TRPM6: variants seen among roughly 807,000 people sequenced by gnomAD.
The protein encoded by TRPM6 is channel kinase 2.
In TRPM6, 111 loss-of-function variants were observed where a neutral mutation model predicts 247.6. The observed-to-expected ratio is 0.45, with a 90% CI of 0.38 to 0.52. The LOEUF is 0.52. Ranked by LOEUF, TRPM6 falls within the 20% of genes least tolerant of loss-of-function variation. The probability of loss-of-function intolerance (pLI) is 0.00; values close to 1 mark genes in which losing one functional copy is unlikely to be tolerated. For missense variants in TRPM6, 2,126 were observed against 2,421.5 expected (o/e 0.88, Z 2.56); for synonymous variants, 892 against 853.8 (o/e 1.04, Z -0.78).
At chr9:74,841,627 C>A (rs1380477494) in intron 4 of TRPM6, among the ~76,000 whole-genome samples, 3 of 152,048 alleles carry the variant, frequency 2.0e-5, no homozygotes, top group African/African-American at 4.8e-5. Context: ...GCCTCAGCCT[C>A]CCAAGTAGCT....
At chr9:74,738,089 C>G (rs1011847600) in intron 36 of TRPM6, among the ~76,000 whole-genome samples, 3 of 152,084 alleles carry the variant, frequency 2.0e-5, no homozygotes, top group African/African-American at 7.2e-5. Flanking sequence ...AAATGCATGC[C>G]TAAATATTAA....
intron 23 of TRPM6, among the ~76,000 whole-genome samples, chr9:74,779,913 C>G (rs975447136): frequency 2.6e-5 from 4 of 152,220 alleles, no homozygotes; most frequent in South Asian, 2.1e-4. Context: ...GTGGCTCACA[C>G]CTGTAATCCC....
chr9:74,853,321 G>T (rs1422091835), intron 3 of TRPM6, among the ~76,000 whole-genome samples: 1 of 150,766 alleles, frequency 6.6e-6, no homozygotes, highest in East Asian at 2.0e-4. Context: ...GAGGTTGGGG[G>T]GCGCCTCTGC....
In TRPM6 at chr9:74,762,271, C is replaced by G; in HGVS notation, c.4400G>C (p.Ser1467Thr). ...GCAGGTTTGCCACTTTTTCTTGATG[C>G]TAAACACACCAGTTTCATCACCTTC... ...FSEGDETGVF[S>T]IKKKWQTCLP... is the part of the protein sequence containing the mutation. The change falls in exon 26 of 39, where the codon AGC becomes ACC. Residue 1467 changes from serine to threonine, a missense_variant. This residue lies in a region of TRPM6 where 717 missense variants were observed against 715.9 expected (regional missense o/e 1.00). Transcript: ENST00000360774. 5 of 1,614,216 alleles carry G rather than the reference C, an allele frequency of 3.1e-6. No individual in the cohort carries two copies. The highest frequency in any genetic ancestry group is 4.2e-6 in the Non-Finnish European group (5 of 1,180,034).
At chr9:74,880,975 T>C (rs868742434) in intron 1 of TRPM6, among the ~76,000 whole-genome samples, 3 of 151,954 alleles carry the variant, frequency 2.0e-5, no homozygotes, top group East Asian at 1.9e-4. Context: ...TTAACACATA[T>C]AGATTGGCTG....
rs142187759 is a variant in TRPM6 at position 74,879,857 on chromosome 9, C to A, written c.33+7967G>T. Among the ~76,000 whole-genome samples the A allele has an allele frequency of 9.1e-3, 1,383 of 152,246 alleles. 25 individuals carry two copies. Among genetic ancestry groups the A allele is most frequent in the African/African-American group, 0.032 (1,330 of 41,534 alleles). On this transcript the variant is annotated intron_variant, in intron 1 of 38. Transcript: ENST00000360774. ...CCCTAAGTTCTGTGAGCCGCCCCAG[C>A]AAAATTAATGAAATCCAAAGAGGAG...
intron 1 of TRPM6, among the ~76,000 whole-genome samples, chr9:74,862,676 T>A (rs1172769481): frequency 1.3e-5 from 2 of 152,190 alleles, no homozygotes; most frequent in Non-Finnish European, 2.9e-5. Context: ...ACACAATATT[T>A]TTTAAAAATT....
intron 35 of TRPM6, 59 bp downstream of exon 35, chr9:74,739,305 TGAG>T: frequency 7.1e-7 from 1 of 1,409,578 alleles, no homozygotes; most frequent in Non-Finnish European, 1.0e-6. Flanking sequence ...AGTAATGGGC[TGAG>T]AAGACGTGAT....
rs151145839 is a variant in TRPM6 at position 74,772,348 on chromosome 9, C to T, written c.3404-513G>A. Reference sequence around the variant, plus strand: ...TCTCCTACTCATTCTTTGAAAATGACTCATATATAGAATTCTTTCTCTTCA... The same window carrying T: ...TCTCCTACTCATTCTTTGAAAATGATTCATATATAGAATTCTTTCTCTTCA... On this transcript the variant is annotated intron_variant, in intron 24 of 38. Transcript: ENST00000360774. Among the ~76,000 whole-genome samples the T allele has an allele frequency of 5.9e-3, 902 of 152,338 alleles. 25 individuals carry two copies. Among genetic ancestry groups the T allele is most frequent in the Admixed American group, 0.049 (745 of 15,310 alleles).
rs1282194946 is a variant in TRPM6 at position 74,723,888 on chromosome 9, A to C, written c.*725T>G. The stretch of plus-strand genomic sequence containing the variant: ...TATATATATTCCATATATATTATAT[A>C]TATAAAAATATATATAATATACATA... On this transcript the variant is annotated 3_prime_UTR_variant, in exon 39 of 39. Coordinates refer to ENST00000360774, the MANE Select transcript of TRPM6 (RefSeq NM_017662.5). 1 of 146,024 alleles carries C rather than the reference A, an allele frequency of 6.8e-6. No homozygotes were observed. Among genetic ancestry groups the C allele is most frequent in the Non-Finnish European group, 1.5e-5 (1 of 67,084 alleles). The allele number at this position is 146,024 out of a possible 1,614,324, so 9.0% of individuals were successfully genotyped here. A position where few individuals can be genotyped will look rare whatever the true frequency, so the allele number is the denominator to read the frequency against.
Position 74,740,001 on chromosome 9 carries a change from C to T in TRPM6, c.5209G>A (p.Glu1737Lys), listed in dbSNP as rs1010800444. 2 of 1,613,942 alleles carry T rather than the reference C, an allele frequency of 1.2e-6. No individual in the cohort carries two copies. Among genetic ancestry groups the T allele is most frequent in the Non-Finnish European group, 1.7e-6 (2 of 1,179,996 alleles). ...TCCTCCAACCTGTAGACAGTTATTT[C>T]TTCTCCTGCTGCAAAGAGAAGTGAA... is the stretch of plus-strand genomic sequence containing the variant. ...FTPVQLFAGEEITVYRLEESS... is the reference protein window; with the variant it reads ...FTPVQLFAGEKITVYRLEESS... Residue 1737 changes from glutamate (E) to lysine (K), a missense_variant, in exon 34 of 39, where the codon GAA becomes AAA. Glu to Lys is a moderately conservative substitution (Grantham distance 56). This residue lies in a region of TRPM6 where 327 missense variants were observed against 397.7 expected (regional missense o/e 0.82). Coordinates refer to ENST00000360774, the MANE Select transcript of TRPM6 (RefSeq NM_017662.5).
intron 5 of TRPM6, among the ~76,000 whole-genome samples, chr9:74,839,255 A>G (rs1170659332): frequency 2.0e-5 from 3 of 152,176 alleles, no homozygotes; most frequent in African/African-American, 7.2e-5. Context: ...TCTGGGGAAG[A>G]GCCTGTACAT....
intron 5 of TRPM6, 84 bp from the exon 6 acceptor site, chr9:74,834,206 G>C (rs1829641130): frequency 3.9e-6 from 6 of 1,549,402 alleles, no homozygotes; most frequent in Non-Finnish European, 5.3e-6. Context: ...CAAATAAATA[G>C]GCAAGCATAT....
chr9:74,805,378 G>A (rs1264619242), intron 14 of TRPM6, among the ~76,000 whole-genome samples: 1 of 152,132 alleles, frequency 6.6e-6, no homozygotes, highest in Admixed American at 6.5e-5. Flanking sequence ...TAGATAATCT[G>A]CCCACACTAA....
intron 1 of TRPM6, among the ~76,000 whole-genome samples, chr9:74,861,470 G>C (rs2184118): frequency 2.0e-5 from 3 of 151,954 alleles, no homozygotes; most frequent in Non-Finnish European, 4.4e-5. Context: ...GATGCTAAAA[G>C]GGTATCTAAT....
intron 3 of TRPM6, among the ~76,000 whole-genome samples, chr9:74,852,836 C>T (rs532375229): frequency 6.6e-6 from 1 of 151,722 alleles, no homozygotes; most frequent in Non-Finnish European, 1.5e-5. Context: ...GATCTCGGCT[C>T]GCTACAACCT....
intron 1 of TRPM6, among the ~76,000 whole-genome samples, chr9:74,868,807 G>A (rs1455827542): frequency 2.6e-5 from 4 of 152,156 alleles, no homozygotes; most frequent in African/African-American, 9.7e-5. Context: ...TCACTTTAAG[G>A]TGATGACAAA....
chr9:74,763,195 T>G lies in TRPM6; in HGVS notation c.3537-61A>C, dbSNP rs1015970366. ...ATTAAGCCAGTGGGAATTTGCTCTC[T>G]TCCTACCCTACTTCCATCCTTAAAT... On this transcript the variant is annotated intron_variant, in intron 25 of 38. Coordinates refer to ENST00000360774, the MANE Select transcript of TRPM6 (RefSeq NM_017662.5). The G allele has an allele frequency of 1.7e-5, 26 of 1,522,160 alleles. No individual in the cohort carries two copies. In the Admixed American group the frequency reaches 2.0e-4, roughly 12 times the overall value. 94.3% of individuals were successfully genotyped at this position (1,522,160 alleles called of 1,614,324 possible).
chr9:74,747,312 A>G (rs1476399633), intron 31 of TRPM6, among the ~76,000 whole-genome samples: 1 of 152,208 alleles, frequency 6.6e-6, no homozygotes, highest in African/African-American at 2.4e-5. Context: ...TCAACTGCAA[A>G]GGAGGTGGGG....
Sources: gnomAD v4.1 joint callset for allele counts (sites outside exome capture counted in the v4.1 genomes callset) on GRCh38, gnomAD v4.1.1 for gene constraint, gnomAD v4.1.1 regional missense constraint, MANE v1.5 for transcripts, NCBI Gene and HGNC (gene_info 2026-07-23, HGNC 2026-07-21) for gene names.